NALF1: variants seen among roughly 807,000 people sequenced by gnomAD.
NALF1 encodes NALCN channel auxiliary factor 1.
A neutral mutation model predicts 48.4 loss-of-function variants in NALF1; 3 were observed. That is an observed-to-expected ratio of 0.06 (90% CI 0.03 to 0.16). The LOEUF (loss-of-function observed/expected upper bound fraction) is 0.16, where lower values mean the gene tolerates loss of function less well. Among genes scored for constraint, NALF1 ranks in the 10% least tolerant of loss-of-function variants. The pLI, the probability that NALF1 is intolerant of heterozygous loss-of-function variation, is 1.00. For synonymous variants in NALF1, 262 were observed against 245.7 expected, an observed-to-expected ratio of 1.07 and a Z score of -0.62; for missense variants, 526 against 571.5, an observed-to-expected ratio of 0.92 and a Z score of 0.81.
Position 107,169,088 on chromosome 13 carries a change from A to C in NALF1, c.*1409T>G, listed in dbSNP as rs1422712692. ...TTTTATAGAAAGCAAATTCATGTAC[A>C]CTCAGCAGGTGAAATGTTCCCACAA... On this transcript the variant is annotated 3_prime_UTR_variant, in exon 3 of 3. Coordinates refer to ENST00000375915, the MANE Select transcript of NALF1 (RefSeq NM_001080396.3). 1 of 152,608 alleles carries C rather than the reference A, an allele frequency of 6.6e-6. No homozygotes were observed. Among genetic ancestry groups the C allele is most frequent in the East Asian group, 1.9e-4 (1 of 5,192 alleles). 9.5% of individuals were successfully genotyped at this position (152,608 alleles called of 1,614,324 possible). A position where few individuals can be genotyped will look rare whatever the true frequency, so the allele number is the denominator to read the frequency against.
chr13:107,247,659 A>G (rs1251071505), intron 1 of NALF1, among the ~76,000 whole-genome samples: 2 of 152,230 alleles, frequency 1.3e-5, no homozygotes, highest in Non-Finnish European at 2.9e-5. Context: ...ACACATGGGG[A>G]TATCTGTTAT....
intron 1 of NALF1, among the ~76,000 whole-genome samples, chr13:107,371,281 T>C (rs1379769543): frequency 6.6e-6 from 1 of 151,966 alleles, no homozygotes; most frequent in Non-Finnish European, 1.5e-5. Flanking sequence ...ACCCTGTCTC[T>C]ACAAAAAATT....
chr13:107,336,629 A>G (rs1023820305), intron 1 of NALF1, among the ~76,000 whole-genome samples: 1 of 152,104 alleles, frequency 6.6e-6, no homozygotes, highest in Non-Finnish European at 1.5e-5. Flanking sequence ...CCTGTCCTCC[A>G]CTTCCTCCGT....
intron 1 of NALF1, among the ~76,000 whole-genome samples, chr13:107,236,383 A>C (rs1452369516): frequency 1.3e-5 from 2 of 152,116 alleles, no homozygotes; most frequent in Non-Finnish European, 2.9e-5. Flanking sequence ...ATTTGGCTGG[A>C]AAGTCACTCT....
intron 1 of NALF1, among the ~76,000 whole-genome samples, chr13:107,862,712 CTA>C (rs1397660197): frequency 1.6e-4 from 24 of 151,850 alleles, no homozygotes; most frequent in African/African-American, 5.8e-4. Context: ...GTTTGAGACA[CTA>C]TAATTTTATT....
intron 1 of NALF1, among the ~76,000 whole-genome samples, chr13:107,716,790 T>G (rs1436729246): frequency 2.0e-5 from 3 of 152,004 alleles, no homozygotes; most frequent in Non-Finnish European, 4.4e-5. Context: ...GGAAGAGCGC[T>G]CAGACACCAA....
chr13:107,183,874 A>G (rs1879117796), intron 2 of NALF1, among the ~76,000 whole-genome samples: 1 of 152,184 alleles, frequency 6.6e-6, no homozygotes, highest in African/African-American at 2.4e-5. Context: ...GGATAGCATT[A>G]GGAGAAATAC....
chr13:107,366,738 T>C (rs1883158311), intron 1 of NALF1, among the ~76,000 whole-genome samples: 1 of 152,266 alleles, frequency 6.6e-6, no homozygotes. Flanking sequence ...AATTTAGGGT[T>C]GGTCCGACAT....
chr13:107,577,636 C>T (rs1878190610), intron 1 of NALF1, among the ~76,000 whole-genome samples: 2 of 152,162 alleles, frequency 1.3e-5, no homozygotes, highest in African/African-American at 4.8e-5. Context: ...GTTCTTGCCT[C>T]TACTGGGAAG....
chr13:107,594,455 T>C (rs917068710), intron 1 of NALF1, among the ~76,000 whole-genome samples: 5 of 152,026 alleles, frequency 3.3e-5, no homozygotes, highest in Admixed American at 3.3e-4. Flanking sequence ...CTCTTTTGTC[T>C]CTTTCCCCCA....
intron 1 of NALF1, among the ~76,000 whole-genome samples, chr13:107,763,907 C>A (rs989783775): frequency 7.9e-5 from 12 of 152,056 alleles, no homozygotes; most frequent in South Asian, 4.1e-4. Flanking sequence ...AAGTGTGTCA[C>A]CTCTTGTTTT....
At chr13:107,846,090 A>T (rs1880165267) in intron 1 of NALF1, among the ~76,000 whole-genome samples, 1 of 152,142 alleles carries the variant, frequency 6.6e-6, no homozygotes, top group South Asian at 2.1e-4. Flanking sequence ...GGTAGATTGT[A>T]TCACTGCTTG....
chr13:107,567,446 A>T (rs1229078185), intron 1 of NALF1, among the ~76,000 whole-genome samples: 1 of 152,248 alleles, frequency 6.6e-6, no homozygotes, highest in Non-Finnish European at 1.5e-5. Context: ...TGTCTACTTG[A>T]CATGACACCC....
At chr13:107,200,191 C>G (rs541450394) in intron 2 of NALF1, among the ~76,000 whole-genome samples, 1 of 152,194 alleles carries the variant, frequency 6.6e-6, no homozygotes, top group Non-Finnish European at 1.5e-5. Context: ...TCTGGGCACA[C>G]TTGCTCTAAA....
chr13:107,252,433 A>AAGGAGAAAGAGAGGGACAGACACAGAG (rs1437832713), intron 1 of NALF1, among the ~76,000 whole-genome samples: 98 of 151,532 alleles, frequency 6.5e-4, no homozygotes, highest in Non-Finnish European at 1.0e-3. Flanking sequence ...GGAGAGAGGA[A>AAGGAGAAAGAGAGGGACAGACACAGAG]AGGAGAAAGA....
At chr13:107,205,104 C>CA (rs1178475937) in intron 2 of NALF1, among the ~76,000 whole-genome samples, 3 of 151,960 alleles carry the variant, frequency 2.0e-5, no homozygotes, top group African/African-American at 7.3e-5. Flanking sequence ...GAGCTGCACC[C>CA]ACTAACTCGT....
chr13:107,189,463 G>C (rs888438220), intron 2 of NALF1, among the ~76,000 whole-genome samples: 1 of 152,132 alleles, frequency 6.6e-6, no homozygotes, highest in Non-Finnish European at 1.5e-5. Flanking sequence ...GGTTGTCTTA[G>C]TGATCGTTGG....
chr13:107,432,118 CT>C lies in NALF1; in HGVS notation c.916-221364del, dbSNP rs889081182. Among the ~76,000 whole-genome samples, 22 of 152,234 alleles carry C rather than the reference CT, an allele frequency of 1.4e-4. No homozygotes were observed. The South Asian group carries it at 1.9e-3, about 13-fold the overall frequency. ...CTGCTTCTGGGGAGGCCTCAGGAAGCTTTCAAACATGGCAGAAGGTGAAGGG... is the reference window on the plus strand; with the variant it reads ...CTGCTTCTGGGGAGGCCTCAGGAAGCTTCAAACATGGCAGAAGGTGAAGGG... On this transcript the variant is annotated intron_variant, in intron 1 of 2. Coordinates refer to ENST00000375915, the MANE Select transcript of NALF1 (RefSeq NM_001080396.3).
At chr13:107,485,537 C>T (rs1885316212) in intron 1 of NALF1, among the ~76,000 whole-genome samples, 2 of 152,126 alleles carry the variant, frequency 1.3e-5, no homozygotes, top group African/African-American at 2.4e-5. Flanking sequence ...CATTTACCAT[C>T]AGATATTCAA....
Sources: gnomAD v4.1 joint callset for allele counts (sites outside exome capture counted in the v4.1 genomes callset) on GRCh38, gnomAD v4.1.1 for gene constraint, MANE v1.5 for transcripts, NCBI Gene and HGNC (gene_info 2026-07-23, HGNC 2026-07-21) for gene names.